The following KCND3 variants were observed in gnomAD, a reference collection of about 807,000 sequenced individuals.
KCND3 encodes the protein potassium voltage-gated channel subfamily D member 3.
In KCND3, 9 loss-of-function variants were observed where a neutral mutation model predicts 51.1. The observed-to-expected ratio is 0.18, with a 90% CI of 0.11 to 0.31. The LOEUF (loss-of-function observed/expected upper bound fraction) is 0.31. KCND3 is among the 10% of genes least tolerant of loss of function. The pLI is 1.00. For synonymous variants in KCND3, 349 were observed against 368.0 expected (o/e 0.95, Z 0.59); for missense variants, 526 against 903.8 (o/e 0.58, Z 5.36).
Position 111,781,302 on chromosome 1 carries a change from A to AT in KCND3, c.1270-512dup, listed in dbSNP as rs199498390. ...TTCAATGCTTCTTAACTCCTCTGCA[A>AT]TTTTTTTCTTTGCACGTATTACTAA... On this transcript the variant is annotated intron_variant, in intron 3 of 7. Coordinates refer to ENST00000302127, the MANE Select transcript of KCND3 (RefSeq NM_001378969.1). Among the ~76,000 whole-genome samples the AT allele has an allele frequency of 1.3e-4, 20 of 152,134 alleles. No homozygotes were observed. In the East Asian group the frequency reaches 3.3e-3, roughly 25 times the overall value.
At chr1:111,814,930 A>G (rs1471669935) in intron 2 of KCND3, among the ~76,000 whole-genome samples, 1 of 152,214 alleles carries the variant, frequency 6.6e-6, no homozygotes, top group East Asian at 1.9e-4. Context: ...GTGCCCTAAT[A>G]TTTTTATCAA....
chr1:111,973,594 AG>A (rs150493952), intron 2 of KCND3, among the ~76,000 whole-genome samples: 2,043 of 152,334 alleles, frequency 0.013, 39 homozygotes, highest in African/African-American at 0.046. Context: ...TAGATAATGT[AG>A]GGGGGAAGTT....
intron 2 of KCND3, among the ~76,000 whole-genome samples, chr1:111,894,570 GGCACTTA>G (rs1479736329): frequency 2.0e-5 from 3 of 152,174 alleles, no homozygotes; most frequent in Non-Finnish European, 4.4e-5. Context: ...CACAGTACTT[GGCACTTA>G]GTAAATAGTT....
At position 111,780,632 on chromosome 1, in the gene KCND3, A is replaced by G; in HGVS notation, c.1371+58T>C. The G allele has an allele frequency of 1.4e-6, 2 of 1,412,634 alleles. No homozygotes were observed. Among genetic ancestry groups the G allele is most frequent in the Non-Finnish European group, 2.0e-6 (2 of 1,016,170 alleles). The allele number at this position is 1,412,634 out of a possible 1,614,324, so 87.5% of individuals were successfully genotyped here. On this transcript the variant is annotated intron_variant, in intron 4 of 7. Coordinates refer to ENST00000302127, the MANE Select transcript of KCND3 (RefSeq NM_001378969.1). This position sits in a 1 kb window ranked among gnomAD's most constrained non-coding sequence, Gnocchi z 4.2. ...TGAGAGTGCTGGTGTCCCGGGAAAG[A>G]GAAAACAAGCCCATCTACCCCTTTA...
chr1:111,873,025 T>C (rs1302580142), intron 2 of KCND3, among the ~76,000 whole-genome samples: 1 of 152,254 alleles, frequency 6.6e-6, no homozygotes, highest in Non-Finnish European at 1.5e-5. Context: ...GACTTGAAGC[T>C]ATGTCTGGGC....
intron 2 of KCND3, among the ~76,000 whole-genome samples, chr1:111,929,790 C>T (rs1671875996): frequency 6.6e-6 from 1 of 152,198 alleles, no homozygotes. Flanking sequence ...CCAGCAGACG[C>T]ACATTGTTCA....
chr1:111,953,433 C>T (rs3008537), intron 2 of KCND3, among the ~76,000 whole-genome samples: 6,950 of 152,232 alleles, frequency 0.046, 499 homozygotes, highest in African/African-American at 0.16. Flanking sequence ...GATTCATGCT[C>T]GCATGATCTA....
At chr1:111,918,684 T>A (rs1325444531) in intron 2 of KCND3, among the ~76,000 whole-genome samples, 1 of 152,096 alleles carries the variant, frequency 6.6e-6, no homozygotes, top group African/African-American at 2.4e-5. Flanking sequence ...ACTGAGGGGC[T>A]GAATGGAGCC....
intron 2 of KCND3, among the ~76,000 whole-genome samples, chr1:111,964,871 C>G (rs1017472502): frequency 6.6e-6 from 1 of 152,146 alleles, no homozygotes; most frequent in Non-Finnish European, 1.5e-5. Context: ...CAATCTTTAA[C>G]TCTGCCAATG....
In KCND3 at chr1:111,771,259, T is replaced by A. The variant is rs910614725; in HGVS notation, c.*4818A>T. The stretch of plus-strand genomic sequence containing the variant: ...TTCATTTTCTGATAGCCACTTTCTC[T>A]TAGTTTTAATGATGCTCTTCATGGT... On this transcript the variant is annotated 3_prime_UTR_variant, in exon 8 of 8. Coordinates refer to ENST00000302127, the MANE Select transcript of KCND3 (RefSeq NM_001378969.1). The A allele has an allele frequency of 1.3e-5, 2 of 152,240 alleles. No individual in the cohort carries two copies. Among genetic ancestry groups the A allele is most frequent in the African/African-American group, 4.8e-5 (2 of 41,472 alleles). The allele number at this position is 152,240 out of a possible 1,614,324, so 9.4% of individuals were successfully genotyped here.
At chr1:111,901,500 G>C (rs907153594) in intron 2 of KCND3, among the ~76,000 whole-genome samples, 4 of 152,214 alleles carry the variant, frequency 2.6e-5, no homozygotes, top group Non-Finnish European at 5.9e-5. Flanking sequence ...ATAGTGCACT[G>C]GCTGTGCAGT....
chr1:111,874,773 A>T (rs1002785595), intron 2 of KCND3, among the ~76,000 whole-genome samples: 2 of 152,126 alleles, frequency 1.3e-5, no homozygotes, highest in African/African-American at 4.8e-5. Context: ...TGCTGAGTAC[A>T]CAGCTCTCAG....
chr1:111,911,560 T>C (rs1297395647), intron 2 of KCND3, among the ~76,000 whole-genome samples: 1 of 152,200 alleles, frequency 6.6e-6, no homozygotes, highest in Non-Finnish European at 1.5e-5. Context: ...TATATAGTTA[T>C]ATAGCAGTGA....
chr1:111,838,948 TA>T (rs562158277), intron 2 of KCND3, among the ~76,000 whole-genome samples: 1,503 of 149,384 alleles, frequency 0.01, 16 homozygotes, highest in Middle Eastern at 0.055. Flanking sequence ...CCTTGGGTTC[TA>T]AAAAAAAAAT....
chr1:111,949,107 G>C lies in KCND3; in HGVS notation c.1106+32514C>G, dbSNP rs143475559. Among the ~76,000 whole-genome samples the C allele has an allele frequency of 5.2e-4, 79 of 152,284 alleles. 4 individuals are homozygous for C. The East Asian group carries it at 0.015, about 28-fold the overall frequency. On this transcript the variant is annotated intron_variant, in intron 2 of 7. Transcript: ENST00000302127. ...GGCTTGCAACTGGGCTGAAGGGCTG[G>C]TGTGAGTATCACATGTGCAAGTCCA... is the stretch of plus-strand genomic sequence containing the variant.
intron 1 of KCND3, among the ~76,000 whole-genome samples, chr1:111,983,958 ATGTAT>A (rs763806909): frequency 1.8e-4 from 28 of 152,200 alleles, no homozygotes; most frequent in Admixed American, 1.3e-3. Context: ...CAGTCCCCAA[ATGTAT>A]ACCATCTGTG....
At chr1:111,882,022 G>A (rs1669356348) in intron 2 of KCND3, among the ~76,000 whole-genome samples, 1 of 152,100 alleles carries the variant, frequency 6.6e-6, no homozygotes, top group African/African-American at 2.4e-5. Context: ...GAAGAAATAG[G>A]AATGGAGACC....
chr1:111,892,638 T>C (rs548378744), intron 2 of KCND3, among the ~76,000 whole-genome samples: 1 of 152,308 alleles, frequency 6.6e-6, no homozygotes, highest in South Asian at 2.1e-4. Context: ...AATGAACACA[T>C]ACATGAAAGA....
chr1:111,956,043 A>C (rs1673322395), intron 2 of KCND3, among the ~76,000 whole-genome samples: 1 of 151,906 alleles, frequency 6.6e-6, no homozygotes, highest in South Asian at 2.1e-4. Flanking sequence ...TGTTTTTATT[A>C]CCTTTAATTT....
Sources: allele counts gnomAD v4.1 joint callset (sites outside exome capture counted in the v4.1 genomes callset), GRCh38; gene constraint gnomAD v4.1.1; non-coding constraint Gnocchi (gnomAD v3.1); transcripts MANE v1.5; gene names NCBI Gene and HGNC (gene_info 2026-07-23, HGNC 2026-07-21).